Variants in CCDC157 observed in about 807,000 individuals in gnomAD.
The protein encoded by CCDC157 is coiled-coil domain-containing protein 157.
CCDC157 carries 60 observed loss-of-function variants against 70.9 expected under a neutral mutation model. The observed-to-expected ratio is 0.85, with a 90% CI of 0.69 to 1.05. The LOEUF is 1.05. Ranked by LOEUF, CCDC157 falls within the 50% of genes least tolerant of loss-of-function variation. The pLI is 0.00. For missense variants in CCDC157, 943 were observed against 984.2 expected (o/e 0.96, Z 0.56); for synonymous variants, 373 against 422.4 (o/e 0.88, Z 1.43).
chr22:30,371,916 G>A (rs573704571), intron 6 of CCDC157, 159 bp from the exon 7 acceptor site: 106 of 734,878 alleles, frequency 1.4e-4, no homozygotes, highest in African/African-American at 1.4e-3. Flanking sequence ...CCGAGAAAGC[G>A]CCTTCTATTT....
rs755145744 is a variant in CCDC157 at position 30,370,293 on chromosome 22, C to T, written c.421-33C>T. On this transcript the variant is annotated intron_variant, in intron 4 of 11. Coordinates refer to ENST00000338306, the MANE Select transcript of CCDC157 (RefSeq NM_001017437.5). ...TCACCTCCCTCTCTACTCTCTCCCTCACCTGCTTTCCCTTGTCTTTTTCTG... is the reference window on the plus strand; with the variant it reads ...TCACCTCCCTCTCTACTCTCTCCCTTACCTGCTTTCCCTTGTCTTTTTCTG... 15 of 1,606,674 alleles carry T rather than the reference C, an allele frequency of 9.3e-6. No homozygotes were observed. In the East Asian group the frequency reaches 2.9e-4, roughly 31 times the overall value.
upstream of CCDC157, chr22:30,356,885 G>C (rs1464771015): frequency 4.5e-6 from 5 of 1,103,554 alleles, no homozygotes; most frequent in African/African-American, 4.9e-5. Context: ...CGACGAGCTC[G>C]CAAGATGGCG....
At chr22:30,361,247 C>CA (rs33971565) in intron 1 of CCDC157, among the ~76,000 whole-genome samples, 1,453 of 61,852 alleles carry the variant, frequency 0.023, 72 homozygotes, top group African/African-American at 0.078. Context: ...GACTCTGTCT[C>CA]AAAAAAAAAA....
intron 1 of CCDC157, among the ~76,000 whole-genome samples, chr22:30,360,504 C>CA (rs35535032): frequency 0.23 from 29,427 of 129,800 alleles, 3,116 homozygotes; most frequent in Middle Eastern, 0.39. Flanking sequence ...GACTCCGTCT[C>CA]AAAAAAAAAA....
rs1569191003 is a variant in CCDC157 at position 30,372,246 on chromosome 22, A to G, written c.1295A>G (p.Lys432Arg). 5 of 1,591,218 alleles carry G rather than the reference A, an allele frequency of 3.1e-6. No individual in the cohort carries two copies. Among genetic ancestry groups the G allele is most frequent in the Non-Finnish European group, 4.3e-6 (5 of 1,174,848 alleles). ...QVCWASTELD[K>R]EKARVDSMVR... ...TGCTGGGCCAGCACGGAGCTGGATA[A>G]GGAGAAGGCCCGTGTCGACAGCATG... is the stretch of plus-strand genomic sequence containing the variant. The change falls in exon 7 of 12, where the codon AAG becomes AGG. Residue 432 changes from lysine (K) to arginine (R), a missense_variant. By Grantham distance (26) the Lys-to-Arg change is conservative (BLOSUM62 2). Coordinates refer to ENST00000338306, the MANE Select transcript of CCDC157 (RefSeq NM_001017437.5).
At chr22:30,363,620 C>T (rs1458065063) in intron 2 of CCDC157, among the ~76,000 whole-genome samples, 2 of 149,694 alleles carry the variant, frequency 1.3e-5, no homozygotes, top group Non-Finnish European at 1.5e-5. Context: ...AGTAGGGTGA[C>T]TAGTTTATAG....
intron 4 of CCDC157, chr22:30,370,005 G>A: frequency 2.0e-6 from 1 of 500,050 alleles, no homozygotes; most frequent in Non-Finnish European, 3.6e-6. Context: ...GGTGACACAA[G>A]AGCAGGCAGG....
Position 30,370,539 on chromosome 22 carries a change from C to T in CCDC157, c.634C>T (p.Gln212Ter), listed in dbSNP as rs747835669. ...CAAGAACACCAGGAGTGTCCACTCC[C>T]AGACCATTGAGACGGCCCTGGTGCC... Reference protein sequence around the residue: ...TFKNTRSVHSQTIETALVPCD... With the variant: ...TFKNTRSVHS Residue 212 changes from glutamine to a stop codon, truncating the protein, a stop_gained, in exon 5 of 12, where the codon CAG (glutamine) becomes TAG (stop). Coordinates refer to ENST00000338306, the MANE Select transcript of CCDC157 (RefSeq NM_001017437.5). LOFTEE classifies it high-confidence loss of function. 6.2e-7 allele frequency: 1 copy of T among 1,614,072 alleles called. No homozygotes were observed. The highest frequency in any genetic ancestry group is 2.2e-5 in the East Asian group (1 of 44,886).
chr22:30,365,814 C>T, intron 2 of CCDC157, 176 bp from the exon 3 acceptor site: 1 of 629,582 alleles, frequency 1.6e-6, no homozygotes, highest in South Asian at 2.0e-5. Flanking sequence ...CTGGTAAGGC[C>T]ACCCAGAACC....
chr22:30,370,751 C>G lies in CCDC157; in HGVS notation c.846C>G (p.Asp282Glu). ...VGRWAAEQRK[D>E]LTRLSKHVEA... is the part of the protein sequence containing the mutation. ...GCTGGGCAGCAGAGCAGAGGAAAGACCTGACGCGCCTCAGTAAGCATGTGG... is the reference window on the plus strand; with the variant it reads ...GCTGGGCAGCAGAGCAGAGGAAAGAGCTGACGCGCCTCAGTAAGCATGTGG... Residue 282 changes from aspartate (D) to glutamate (E), a missense_variant, in exon 5 of 12, where the codon GAC becomes GAG. Transcript: ENST00000338306. 1 of 1,613,570 alleles carries G rather than the reference C, an allele frequency of 6.2e-7. No homozygotes were observed. Among genetic ancestry groups the G allele is most frequent in the Non-Finnish European group, 8.5e-7 (1 of 1,179,928 alleles).
rs187626585 is a variant in CCDC157, at chr22:30,366,407, G to T, written c.248+159G>T. 1.1e-5 allele frequency: 9 copies of T among 824,684 alleles called. No individual in the cohort carries two copies. The Admixed American group carries it at 1.7e-4, about 15-fold the overall frequency. The allele number at this position is 824,684 out of a possible 1,614,324, so 51.1% of individuals were successfully genotyped here. On this transcript the variant is annotated intron_variant, in intron 3 of 11. Transcript: ENST00000338306. ...CACATCAGCTCAGGACTTTCAAAGT[G>T]GTCTTACCTTTTATCATGTGTCTTG...
In CCDC157 at chr22:30,372,088, G is replaced by A; in HGVS notation, c.1137G>A (p.Gln379=). ...TTAATGCTGCAGAGGCAAAGGCCCA[G>A]CAGCTGCAGGAGGAAGGTGAGCGCA... The part of the protein sequence containing the change: ...ESTQAVEAKA[Q]QLQEEGERRA... The change falls in exon 7 of 12, where the codon CAG becomes CAA. Residue 379 remains glutamine, a synonymous_variant. Coordinates refer to ENST00000338306, the MANE Select transcript of CCDC157 (RefSeq NM_001017437.5). 6.5e-7 allele frequency: 1 copy of A among 1,547,592 alleles called. No individual in the cohort carries two copies. The highest frequency in any genetic ancestry group is 8.7e-7 in the Non-Finnish European group (1 of 1,144,586).
intron 7 of CCDC157, 94 bp from the exon 8 acceptor site, chr22:30,373,503 G>T: frequency 7.3e-7 from 1 of 1,370,476 alleles, no homozygotes; most frequent in South Asian, 1.3e-5. Context: ...GGTAGCAGCC[G>T]AGGGGTAGTA....
At chr22:30,358,754 T>C (rs546935384) in intron 1 of CCDC157, among the ~76,000 whole-genome samples, 1 of 152,308 alleles carries the variant, frequency 6.6e-6, no homozygotes, top group South Asian at 2.1e-4. Flanking sequence ...TAGCTGCTGC[T>C]CCTCCCTAAG....
At chr22:30,375,189 C>A (rs1188969548) in intron 9 of CCDC157, 1 of 338,360 alleles carries the variant, frequency 3.0e-6, no homozygotes. Context: ...GATCTCTTGA[C>A]TTAATGATCC....
At chr22:30,374,190 T>A in intron 9 of CCDC157, 99 bp downstream of exon 9, 1 of 1,411,222 alleles carries the variant, frequency 7.1e-7, no homozygotes, top group African/African-American at 1.4e-5. Context: ...CTCCCTAGCC[T>A]GCAGCAAGGG....
chr22:30,362,367 C>T (rs1215195182), intron 2 of CCDC157, among the ~76,000 whole-genome samples: 4 of 152,220 alleles, frequency 2.6e-5, no homozygotes, highest in African/African-American at 4.8e-5. Context: ...GACAGGGAAC[C>T]TCGCCCGGCC....
chr22:30,363,682 TC>T (rs1932509394), intron 2 of CCDC157, among the ~76,000 whole-genome samples: 1 of 106,796 alleles, frequency 9.4e-6, no homozygotes, highest in African/African-American at 4.0e-5. Context: ...GGAATGTTTC[TC>T]TTTTTTTTTT....
chr22:30,371,111 G>T, intron 5 of CCDC157, 161 bp downstream of exon 5: 1 of 847,044 alleles, frequency 1.2e-6, no homozygotes, highest in Non-Finnish European at 1.8e-6. Flanking sequence ...AAGGAAGGGG[G>T]TGTTCATCCG....
Sources: gnomAD v4.1 joint callset for allele counts (sites outside exome capture counted in the v4.1 genomes callset) on GRCh38, gnomAD v4.1.1 for gene constraint, MANE v1.5 for transcripts, NCBI Gene and HGNC (gene_info 2026-07-23, HGNC 2026-07-21) for gene names.